Variants in ISM2 observed in about 807,000 individuals in gnomAD.
ISM2 encodes the protein isthmin-2.
Under a neutral mutation model 58.0 loss-of-function variants are expected in ISM2, and 50 were observed. The ratio of observed to expected loss-of-function variants is 0.86; its 90% CI spans 0.69 to 1.09. The LOEUF is 1.09. Among genes scored for constraint, ISM2 ranks in the 50% least tolerant of loss-of-function variants. ISM2 has a pLI of 0.00. For missense variants in ISM2, 723 were observed against 745.0 expected (o/e 0.97, Z 0.34); for synonymous variants, 303 against 312.4 (o/e 0.97, Z 0.32).
intron 6 of ISM2, 151 bp downstream of exon 6, chr14:77,478,091 G>T: frequency 1.4e-6 from 1 of 691,650 alleles, no homozygotes; most frequent in South Asian, 1.8e-5. Flanking sequence ...GAAATGCCAG[G>T]GCCCCCTGTT....
intron 1 of ISM2, among the ~76,000 whole-genome samples, chr14:77,493,036 C>T (rs2079216107): frequency 6.6e-6 from 1 of 152,176 alleles, no homozygotes; most frequent in African/African-American, 2.4e-5. Context: ...TTCTGTCACC[C>T]AGGCTGGAGT....
At chr14:77,478,538 C>T (rs1366927726) in intron 5 of ISM2, 37 bp downstream of exon 5, 2 of 1,596,648 alleles carry the variant, frequency 1.3e-6, no homozygotes, top group Admixed American at 3.4e-5. Context: ...CTAAGCCGCA[C>T]CAGCCACTCC....
rs116619956 is a variant in ISM2 at position 77,492,415 on chromosome 14, G to A, written c.141+6238C>T. Among the ~76,000 whole-genome samples, 982 of 152,060 alleles carry A rather than the reference G, an allele frequency of 6.5e-3. 9 individuals carry two copies. The highest frequency in any genetic ancestry group is 0.023 in the African/African-American group (941 of 41,488). The stretch of plus-strand genomic sequence containing the variant: ...TAATAAGACAAGGAACACACATGGC[G>A]GCTGTTTGAGTGGTGTTCTCATCCT... On this transcript the variant is annotated intron_variant, in intron 1 of 6. Coordinates refer to ENST00000342219, the MANE Select transcript of ISM2 (RefSeq NM_199296.3).
intron 1 of ISM2, among the ~76,000 whole-genome samples, chr14:77,496,927 C>G (rs944919167): frequency 2.7e-5 from 4 of 150,672 alleles, no homozygotes; most frequent in Admixed American, 2.7e-4. Context: ...GACACATCCT[C>G]AAGTGCAGCC....
At chr14:77,479,007 G>C (rs1277573954) in intron 4 of ISM2, among the ~76,000 whole-genome samples, 2 of 152,226 alleles carry the variant, frequency 1.3e-5, no homozygotes, top group Admixed American at 1.3e-4. Flanking sequence ...AGGGCTGGGA[G>C]CTATCTGACC....
rs539380597 is a variant in ISM2, at chr14:77,478,169, T to G, written c.1198+73A>C. The stretch of plus-strand genomic sequence containing the variant: ...GTGGAAAGAAGCCAGGTTCCTGCCA[T>G]GGAATAATACCCCACCCTCCCCTGA... On this transcript the variant is annotated intron_variant, in intron 6 of 6. Coordinates refer to ENST00000342219, the MANE Select transcript of ISM2 (RefSeq NM_199296.3). The G allele has an allele frequency of 4.8e-6, 6 of 1,257,368 alleles. No individual in the cohort carries two copies. The East Asian group carries it at 9.3e-5, about 20-fold the overall frequency. The allele number at this position is 1,257,368 out of a possible 1,614,324, so 77.9% of individuals were successfully genotyped here. A position where few individuals can be genotyped will look rare whatever the true frequency, so the allele number is the denominator to read the frequency against.
At position 77,478,278 on chromosome 14, in the gene ISM2, G is replaced by A. The variant is rs1395433468; in HGVS notation, c.1162C>T (p.Leu388Phe). 6 of 1,614,070 alleles carry A rather than the reference G, an allele frequency of 3.7e-6. No individual in the cohort carries two copies. Among genetic ancestry groups the A allele is most frequent in the African/African-American group, 1.3e-5 (1 of 74,930 alleles). Residue 388 changes from leucine (L) to phenylalanine (F), a missense_variant, in exon 6 of 7, where the codon CTC becomes TTC. By Grantham distance (22) the Leu-to-Phe change is conservative. Coordinates refer to ENST00000342219, the MANE Select transcript of ISM2 (RefSeq NM_199296.3). ...ATGTCCGTAGCATTGCGGGCCAGGA[G>A]CTTCCACTCCTCACTGGGGAGGCCC... ...TLGLPSEEWK[L>F]LARNATDMHD...
At chr14:77,491,384 GTTTA>G (rs953618484) in intron 1 of ISM2, among the ~76,000 whole-genome samples, 13 of 152,298 alleles carry the variant, frequency 8.5e-5, no homozygotes, top group South Asian at 4.1e-4. Context: ...GGTCTCCTCT[GTTTA>G]TTTATTTATT....
intron 1 of ISM2, among the ~76,000 whole-genome samples, chr14:77,485,639 G>A (rs956816066): frequency 6.6e-6 from 1 of 152,276 alleles, no homozygotes; most frequent in African/African-American, 2.4e-5. Flanking sequence ...AGACAGTGGG[G>A]CACTAGGGGC....
intron 1 of ISM2, 43 bp downstream of exon 1, chr14:77,498,610 G>A: frequency 7.1e-7 from 1 of 1,406,096 alleles, no homozygotes; most frequent in Non-Finnish European, 9.2e-7. Context: ...TGGGGAGGTG[G>A]GACCGACAGC....
At position 77,482,600 on chromosome 14, in the gene ISM2, T is replaced by C. The variant is rs752491967; in HGVS notation, c.695A>G (p.Asn232Ser). ...GCTAAGGGTATCCTGGGGCGGGGGA[T>C]TGCTGGGCTCAGCCAACAGGTCTAT... ...VSIDLLAEPSNPPPQDTLSWL... is the reference protein window; with the variant it reads ...VSIDLLAEPSSPPPQDTLSWL... The change falls in exon 4 of 7, where the codon AAT (asparagine) becomes AGT (serine). Residue 232 changes from asparagine to serine, a missense_variant. By Grantham distance (46) the Asn-to-Ser change is conservative. Coordinates refer to ENST00000342219, the MANE Select transcript of ISM2 (RefSeq NM_199296.3). 1 of 1,609,336 alleles carries C rather than the reference T, an allele frequency of 6.2e-7. No homozygotes were observed. Among genetic ancestry groups the C allele is most frequent in the South Asian group, 1.1e-5 (1 of 90,402 alleles).
chr14:77,482,790 T>C (rs1289946411), intron 3 of ISM2, 123 bp from the exon 4 acceptor site: 1 of 626,086 alleles, frequency 1.6e-6, no homozygotes, highest in Non-Finnish European at 2.7e-6. Flanking sequence ...ACCAGCTGTC[T>C]TCTCTTGGCT....
intron 3 of ISM2, chr14:77,484,076 T>C: frequency 2.3e-6 from 1 of 436,182 alleles, no homozygotes; most frequent in South Asian, 3.7e-5. Flanking sequence ...TGTTTGTCTC[T>C]TGCCATGGTC....
intron 1 of ISM2, among the ~76,000 whole-genome samples, chr14:77,493,380 T>C (rs2079218636): frequency 2.0e-5 from 3 of 152,316 alleles, no homozygotes; most frequent in Admixed American, 6.5e-5. Flanking sequence ...TGGGTTCTTA[T>C]TTTACTGTGG....
chr14:77,488,804 C>T (rs888309650), intron 1 of ISM2, among the ~76,000 whole-genome samples: 4 of 152,172 alleles, frequency 2.6e-5, no homozygotes, highest in African/African-American at 7.2e-5. Context: ...TCAGGTCCCC[C>T]GAACACTGCT....
chr14:77,494,449 T>G (rs960104661), intron 1 of ISM2, among the ~76,000 whole-genome samples: 1 of 152,116 alleles, frequency 6.6e-6, no homozygotes, highest in Non-Finnish European at 1.5e-5. Flanking sequence ...CAGGCTGGAG[T>G]GCAGTGGCAC....
At chr14:77,495,761 C>T (rs1034049554) in intron 1 of ISM2, among the ~76,000 whole-genome samples, 9 of 152,006 alleles carry the variant, frequency 5.9e-5, no homozygotes, top group African/African-American at 1.5e-4. Flanking sequence ...CCCAAAATGA[C>T]GAGGGTGCCG....
intron 1 of ISM2, among the ~76,000 whole-genome samples, chr14:77,496,472 G>C (rs1225528482): frequency 1.4e-5 from 2 of 147,244 alleles, no homozygotes; most frequent in Non-Finnish European, 3.0e-5. Flanking sequence ...TGGGCAACAA[G>C]AGCAAAACTC....
At chr14:77,488,042 C>A (rs1050157470) in intron 1 of ISM2, among the ~76,000 whole-genome samples, 10 of 152,206 alleles carry the variant, frequency 6.6e-5, no homozygotes, top group African/African-American at 2.4e-4. Flanking sequence ...CAGCCCATAG[C>A]CAACCTCTGG....
Sources: gnomAD v4.1 joint callset for allele counts (sites outside exome capture counted in the v4.1 genomes callset) on GRCh38, gnomAD v4.1.1 for gene constraint, MANE v1.5 for transcripts, NCBI Gene and HGNC (gene_info 2026-07-23, HGNC 2026-07-21) for gene names.